SHQ1: variants seen among roughly 807,000 people sequenced by gnomAD.
SHQ1 encodes protein SHQ1 homolog.
SHQ1 carries 49 observed loss-of-function variants against 53.8 expected under a neutral mutation model. The observed-to-expected ratio is 0.91, with a 90% CI of 0.72 to 1.16. The LOEUF is 1.16. SHQ1 is among the 50% of genes most tolerant of loss of function. The probability of loss-of-function intolerance (pLI) is 0.00; values close to 1 mark genes in which losing one functional copy is unlikely to be tolerated. For missense variants in SHQ1, 738 were observed against 683.1 expected, an observed-to-expected ratio of 1.08 and a Z score of -0.90; for synonymous variants, 243 against 251.0, an observed-to-expected ratio of 0.97 and a Z score of 0.30.
chr3:72,795,518 T>A (rs2106803972), intron 9 of SHQ1: 1 of 152,324 alleles, frequency 6.6e-6, no homozygotes. Flanking sequence ...ACAACTGACC[T>A]GTAAGAATGT....
the SHQ1 span, among the ~76,000 whole-genome samples, chr3:72,733,307 C>T: frequency 6.6e-6 from 1 of 151,692 alleles, no homozygotes; most frequent in Non-Finnish European, 1.5e-5. Context: ...TAGGAAACCA[C>T]TGCCAGTCCC....
At chr3:72,813,830 C>CTTTTTT (rs931930903) in intron 8 of SHQ1, among the ~76,000 whole-genome samples, 7 of 108,188 alleles carry the variant, frequency 6.5e-5, no homozygotes, top group Admixed American at 1.0e-4. Context: ...TCCTCTTTTT[C>CTTTTTT]TTTTTTTTTT....
chr3:72,768,701 A>G (rs1169605811), intron 10 of SHQ1, among the ~76,000 whole-genome samples: 1 of 152,226 alleles, frequency 6.6e-6, no homozygotes, highest in Non-Finnish European at 1.5e-5. Flanking sequence ...CTGCATGGCC[A>G]GCAGTTTTTT....
intron 4 of SHQ1, among the ~76,000 whole-genome samples, chr3:72,834,260 G>A (rs898763317): frequency 4.6e-5 from 7 of 152,220 alleles, no homozygotes; most frequent in Non-Finnish European, 2.9e-5. Flanking sequence ...CGGGCCCAGT[G>A]GCTCATGCCT....
chr3:72,795,897 G>A lies in SHQ1; in HGVS notation c.1061-2861C>T, dbSNP rs539249679. On this transcript the variant is annotated intron_variant, in intron 9 of 10. Coordinates refer to ENST00000325599, the MANE Select transcript of SHQ1 (RefSeq NM_018130.3). ...AGGCAGGCGGATTACGAGGTCAGAAGTTCGAGACCAGCTTGGCCAGCATGG... is the reference window on the plus strand; with the variant it reads ...AGGCAGGCGGATTACGAGGTCAGAAATTCGAGACCAGCTTGGCCAGCATGG... Among the ~76,000 whole-genome samples the A allele has an allele frequency of 2.6e-5, 4 of 152,228 alleles. No individual in the cohort carries two copies. In the South Asian group the frequency reaches 8.3e-4, roughly 32 times the overall value.
chr3:72,810,367 C>T (rs941019780), intron 9 of SHQ1, among the ~76,000 whole-genome samples: 1 of 152,132 alleles, frequency 6.6e-6, no homozygotes, highest in African/African-American at 2.4e-5. Context: ...GTAAAGAATC[C>T]TTGTAAAGGC....
chr3:72,769,661 A>T (rs1364678576), intron 10 of SHQ1, among the ~76,000 whole-genome samples: 1 of 152,140 alleles, frequency 6.6e-6, no homozygotes, highest in East Asian at 1.9e-4. Flanking sequence ...CTCTTCTTTG[A>T]ATCACTATGT....
In SHQ1 at chr3:72,797,058, GACCA is replaced by G. The variant is rs1423725993; in HGVS notation, c.1061-4026_1061-4023del. Among the ~76,000 whole-genome samples the G allele has an allele frequency of 1.4e-4, 21 of 151,702 alleles. 1 individual carries two copies. Among genetic ancestry groups the G allele is most frequent in the African/African-American group, 5.1e-4 (21 of 41,362 alleles). On this transcript the variant is annotated intron_variant, in intron 9 of 10. Transcript: ENST00000325599. The stretch of plus-strand genomic sequence containing the variant: ...AGATCACCTGAAGTCAGGAGTTCAA[GACCA>G]GCCTGGCCAACATGGTGAAACCCTG...
At chr3:72,755,274 A>G (rs183330428) in intron 10 of SHQ1, among the ~76,000 whole-genome samples, 1 of 150,238 alleles carries the variant, frequency 6.7e-6, no homozygotes, top group Non-Finnish European at 1.5e-5. Context: ...ATAGATGGAT[A>G]GATGGATGGA....
chr3:72,728,637 T>C, the SHQ1 span, among the ~76,000 whole-genome samples: 1 of 152,224 alleles, frequency 6.6e-6, no homozygotes, highest in Non-Finnish European at 1.5e-5. Flanking sequence ...CAAATCTGCC[T>C]CTACCACTTC....
At chr3:72,834,399 G>A (rs536173372) in intron 4 of SHQ1, among the ~76,000 whole-genome samples, 5 of 152,220 alleles carry the variant, frequency 3.3e-5, no homozygotes, top group South Asian at 2.1e-4. Flanking sequence ...GTGTGGTGGC[G>A]TGCACCTGTA....
the SHQ1 span, among the ~76,000 whole-genome samples, chr3:72,734,562 A>G: frequency 6.6e-6 from 1 of 151,592 alleles, no homozygotes; most frequent in Non-Finnish European, 1.5e-5. Context: ...GGCCTACAGT[A>G]AGCCATCATT....
intron 10 of SHQ1, among the ~76,000 whole-genome samples, chr3:72,779,465 C>T (rs1706028885): frequency 6.6e-6 from 1 of 152,168 alleles, no homozygotes; most frequent in African/African-American, 2.4e-5. Context: ...TTTTGCACCA[C>T]TTTCCAAGGT....
At chr3:72,814,833 A>G (rs1201052616) in intron 8 of SHQ1, among the ~76,000 whole-genome samples, 2 of 152,190 alleles carry the variant, frequency 1.3e-5, no homozygotes, top group Non-Finnish European at 2.9e-5. Context: ...GAATTGTAGG[A>G]CCTAAGATAA....
downstream of SHQ1, among the ~76,000 whole-genome samples, chr3:72,748,717 A>T (rs148559415): frequency 1.3e-5 from 2 of 152,006 alleles, no homozygotes; most frequent in Admixed American, 1.3e-4. Flanking sequence ...AACAAGGCAA[A>T]AAAACACACA....
chr3:72,793,776 T>C (rs1401043519), intron 9 of SHQ1: 1 of 152,232 alleles, frequency 6.6e-6, no homozygotes, highest in Admixed American at 6.5e-5. Flanking sequence ...TGTCAAGGAG[T>C]TATCTACTAA....
intron 10 of SHQ1, chr3:72,752,923 A>C: frequency 1.1e-6 from 1 of 951,934 alleles, no homozygotes; most frequent in Non-Finnish European, 1.3e-6. Context: ...TCGGCCTCCC[A>C]AAGTGCTGGG....
chr3:72,768,326 C>T (rs933984479), intron 10 of SHQ1, among the ~76,000 whole-genome samples: 2 of 152,086 alleles, frequency 1.3e-5, no homozygotes, highest in Non-Finnish European at 1.5e-5. Context: ...CTAGTGCTCC[C>T]GATGGCAAGG....
chr3:72,824,367 C>T lies in SHQ1; in HGVS notation c.727+57G>A, dbSNP rs772338360. On this transcript the variant is annotated intron_variant, in intron 6 of 10. Coordinates refer to ENST00000325599, the MANE Select transcript of SHQ1 (RefSeq NM_018130.3). ...GCTTAATAATATGGAAGGCAGTAAA[C>T]GTGGTACACCATGAGATTTTAAAAT... 252 of 1,589,706 alleles carry T rather than the reference C, an allele frequency of 1.6e-4. 1 individual carries two copies. Among genetic ancestry groups the T allele is most frequent in the South Asian group, 5.4e-4 (47 of 87,238 alleles).
Sources: allele counts gnomAD v4.1 joint callset (sites outside exome capture counted in the v4.1 genomes callset), GRCh38; gene constraint gnomAD v4.1.1; transcripts MANE v1.5; gene names NCBI Gene and HGNC (gene_info 2026-07-23, HGNC 2026-07-21).